The following RPS6KC1 variants were observed in gnomAD, a reference collection of about 807,000 sequenced individuals.
RPS6KC1 encodes the protein inactive ribosomal protein S6 kinase delta-1.
In RPS6KC1, 54 loss-of-function variants were observed where a neutral mutation model predicts 103.8. The ratio of observed to expected loss-of-function variants is 0.52; its 90% CI spans 0.42 to 0.65. The LOEUF (loss-of-function observed/expected upper bound fraction) is 0.65. Ranked by LOEUF, RPS6KC1 falls within the 30% of genes least tolerant of loss-of-function variation. The probability of loss-of-function intolerance (pLI) is 0.00; values close to 1 mark genes in which losing one functional copy is unlikely to be tolerated. For synonymous variants in RPS6KC1, 439 were observed against 438.7 expected (o/e 1.00, Z -0.01); for missense variants, 1,151 against 1,253.8 (o/e 0.92, Z 1.24).
the RPS6KC1 span, among the ~76,000 whole-genome samples, chr1:213,850,880 T>C: frequency 6.6e-6 from 1 of 152,242 alleles, no homozygotes; most frequent in Non-Finnish European, 1.5e-5. Context: ...TTTCACAATC[T>C]AGTTAGCTGA....
chr1:213,602,110 T>C, the RPS6KC1 span, among the ~76,000 whole-genome samples: 2 of 39,324 alleles, frequency 5.1e-5, no homozygotes, highest in African/African-American at 1.2e-4. Flanking sequence ...CTTTCTTTCT[T>C]TCTTTCTTTC....
chr1:213,849,189 A>T, the RPS6KC1 span, among the ~76,000 whole-genome samples: 1 of 152,166 alleles, frequency 6.6e-6, no homozygotes, highest in African/African-American at 2.4e-5. Context: ...TTTGGGTTTC[A>T]TGGACTCAGC....
chr1:213,800,014 G>C, the RPS6KC1 span, among the ~76,000 whole-genome samples: 1 of 152,172 alleles, frequency 6.6e-6, no homozygotes, highest in Non-Finnish European at 1.5e-5. Context: ...AAGCTCTGCT[G>C]TCTCTTCCTC....
chr1:213,203,894 C>T (rs2093255206), intron 8 of RPS6KC1, among the ~76,000 whole-genome samples: 1 of 152,154 alleles, frequency 6.6e-6, no homozygotes. Context: ...AGCGGGATGT[C>T]CTTTTCTACC....
chr1:213,732,433 T>C, the RPS6KC1 span, among the ~76,000 whole-genome samples: 3 of 152,122 alleles, frequency 2.0e-5, no homozygotes, highest in Admixed American at 6.6e-5. Flanking sequence ...TTATCATTGA[T>C]TGATGTTTCT....
chr1:213,734,934 T>C, the RPS6KC1 span, among the ~76,000 whole-genome samples: 1 of 152,294 alleles, frequency 6.6e-6, no homozygotes, highest in Non-Finnish European at 1.5e-5. Flanking sequence ...TGTTTGTTGT[T>C]GTTGTTTTTG....
the RPS6KC1 span, among the ~76,000 whole-genome samples, chr1:213,309,588 G>A: frequency 1.3e-5 from 2 of 152,212 alleles, no homozygotes; most frequent in African/African-American, 4.8e-5. Flanking sequence ...CATGAAGCTG[G>A]TGATGGGCAA....
the RPS6KC1 span, among the ~76,000 whole-genome samples, chr1:213,845,970 C>T: frequency 6.6e-6 from 1 of 151,910 alleles, no homozygotes; most frequent in Non-Finnish European, 1.5e-5. Context: ...ATTTTGGACT[C>T]TTTGGCTTCC....
chr1:213,619,777 A>G, the RPS6KC1 span, among the ~76,000 whole-genome samples: 135 of 152,358 alleles, frequency 8.9e-4, no homozygotes, highest in Middle Eastern at 6.8e-3. Context: ...GTCCAGGTGA[A>G]CCATATATGC....
chr1:213,840,426 T>A, the RPS6KC1 span: 1 of 152,170 alleles, frequency 6.6e-6, no homozygotes, highest in African/African-American at 2.4e-5. Context: ...TATATTTTTA[T>A]ATGCATATAT....
the RPS6KC1 span, among the ~76,000 whole-genome samples, chr1:213,395,599 CA>C: frequency 4.9e-3 from 751 of 152,214 alleles, 6 homozygotes; most frequent in African/African-American, 0.014. Flanking sequence ...ACCAGCATCC[CA>C]GGGGGAAAAA....
the RPS6KC1 span, among the ~76,000 whole-genome samples, chr1:213,490,643 C>T: frequency 6.6e-6 from 1 of 152,292 alleles, no homozygotes; most frequent in African/African-American, 2.4e-5. Flanking sequence ...GCTACCTGGA[C>T]AAAGCCGCAC....
At chr1:213,323,776 C>CGT in the RPS6KC1 span, among the ~76,000 whole-genome samples, 1 of 152,076 alleles carries the variant, frequency 6.6e-6, no homozygotes, top group African/African-American at 2.4e-5. Flanking sequence ...TCATTTACTC[C>CGT]GTGACCCTAC....
chr1:213,190,734 T>C (rs188489622), intron 8 of RPS6KC1, among the ~76,000 whole-genome samples: 1 of 152,348 alleles, frequency 6.6e-6, no homozygotes, highest in African/African-American at 2.4e-5. Flanking sequence ...CCCATTCCAA[T>C]GTCCTGGAGA....
the RPS6KC1 span, among the ~76,000 whole-genome samples, chr1:213,730,297 A>T: frequency 6.6e-6 from 1 of 152,196 alleles, no homozygotes. Context: ...CAGTAACAGG[A>T]TTGCTGGGTC....
At chr1:213,524,559 C>A in the RPS6KC1 span, among the ~76,000 whole-genome samples, 1 of 152,212 alleles carries the variant, frequency 6.6e-6, no homozygotes. Flanking sequence ...TCATTGAGGA[C>A]CTATCTCTCT....
At chr1:213,783,939 AG>A in the RPS6KC1 span, among the ~76,000 whole-genome samples, 1 of 151,726 alleles carries the variant, frequency 6.6e-6, no homozygotes, top group Admixed American at 6.6e-5. Context: ...TTTGAATTCC[AG>A]TTTAGAGTTT....
the RPS6KC1 span, among the ~76,000 whole-genome samples, chr1:213,512,436 T>G: frequency 6.6e-6 from 1 of 152,168 alleles, no homozygotes; most frequent in Non-Finnish European, 1.5e-5. Flanking sequence ...ACTCAGCCCT[T>G]TCTGAGTGGC....
the RPS6KC1 span, among the ~76,000 whole-genome samples, chr1:213,297,416 A>G: frequency 4.6e-5 from 7 of 152,210 alleles, no homozygotes; most frequent in African/African-American, 1.7e-4. Context: ...TCTGAACACA[A>G]ATGTCCACTG....
Sources: allele counts gnomAD v4.1 joint callset (sites outside exome capture counted in the v4.1 genomes callset), GRCh38; gene constraint gnomAD v4.1.1; transcripts MANE v1.5; gene names NCBI Gene and HGNC (gene_info 2026-07-23, HGNC 2026-07-21).